Variants in ASAP1 observed in about 807,000 individuals in gnomAD.
ASAP1 encodes ArfGAP with SH3 domain, ankyrin repeat and PH domain 1.
In ASAP1, 43 loss-of-function variants were observed where a neutral mutation model predicts 145.2. The observed-to-expected ratio is 0.30, with a 90% CI of 0.23 to 0.38. ASAP1 has a LOEUF of 0.38. Ranked by LOEUF, ASAP1 falls within the 10% of genes least tolerant of loss-of-function variation. The pLI is 1.00. For synonymous variants in ASAP1, 546 were observed against 515.5 expected (o/e 1.06, Z -0.80); for missense variants, 1,018 against 1,355.3 (o/e 0.75, Z 3.91).
intron 3 of ASAP1, among the ~76,000 whole-genome samples, chr8:130,327,937 A>G (rs920755042): frequency 6.6e-6 from 1 of 152,214 alleles, no homozygotes; most frequent in African/African-American, 2.4e-5. Flanking sequence ...TTGGTAGACT[A>G]ATGACATGGA....
rs757332068 is a variant in ASAP1, at chr8:130,060,881, G to C, written c.2890C>G (p.Pro964Ala). 6.2e-7 allele frequency: 1 copy of C among 1,613,854 alleles called. No individual in the cohort carries two copies. Among genetic ancestry groups the C allele is most frequent in the Admixed American group, 1.7e-5 (1 of 59,994 alleles). ...DLPPKPGELP[P>A]KPQLGDLPPK... ...GGCAGGTCCCCCAGCTGTGGTTTGG[G>C]GGGCAGTTCTCCTGGCTTAGGCGGC... Residue 964 changes from proline to alanine, a missense_variant, in exon 28 of 30, where the codon CCC becomes GCC. Around this residue, in one of 9 missense-constraint regions of ASAP1, gnomAD observed 139 missense variants for 131.0 expected, o/e 1.06. Transcript: ENST00000518721.
chr8:130,186,859 A>G (rs1814767464), intron 7 of ASAP1, among the ~76,000 whole-genome samples: 1 of 152,196 alleles, frequency 6.6e-6, no homozygotes, highest in South Asian at 2.1e-4. Context: ...ATGTCACAGT[A>G]TTAGCTGTTA....
At chr8:130,418,523 G>A (rs1414805400) in intron 1 of ASAP1, among the ~76,000 whole-genome samples, 2 of 151,118 alleles carry the variant, frequency 1.3e-5, no homozygotes, top group African/African-American at 4.9e-5. Flanking sequence ...ACTCCAGCCT[G>A]GGTGACCTCT....
At chr8:130,369,296 A>G (rs1172409520) in intron 2 of ASAP1, among the ~76,000 whole-genome samples, 1 of 152,234 alleles carries the variant, frequency 6.6e-6, no homozygotes, top group Non-Finnish European at 1.5e-5. Flanking sequence ...TAAACCTTAT[A>G]CACATAGCCT....
At chr8:130,426,957 C>T (rs1158168594) in intron 1 of ASAP1, among the ~76,000 whole-genome samples, 1 of 152,134 alleles carries the variant, frequency 6.6e-6, no homozygotes. Flanking sequence ...TACTGTTGTC[C>T]CGCCCCTAGA....
At chr8:130,264,966 A>G (rs1820155144) in intron 3 of ASAP1, among the ~76,000 whole-genome samples, 3 of 152,232 alleles carry the variant, frequency 2.0e-5, no homozygotes, top group Admixed American at 2.0e-4. Flanking sequence ...GAACACAGGC[A>G]AAGTATGGGA....
intron 7 of ASAP1, among the ~76,000 whole-genome samples, chr8:130,182,831 C>CAA (rs35195899): frequency 0.011 from 778 of 73,528 alleles, 7 homozygotes; most frequent in Non-Finnish European, 0.012. Flanking sequence ...TATAAAAAGG[C>CAA]AAAAAAAAAA....
chr8:130,269,015 T>C (rs867855827), intron 3 of ASAP1, among the ~76,000 whole-genome samples: 37 of 152,324 alleles, frequency 2.4e-4, no homozygotes, highest in Middle Eastern at 3.4e-3. Flanking sequence ...AAAAAAGTAC[T>C]GTGGCTTGTA....
At chr8:130,133,328 T>C (rs2097586059) in intron 15 of ASAP1, among the ~76,000 whole-genome samples, 1 of 152,148 alleles carries the variant, frequency 6.6e-6, no homozygotes, top group African/African-American at 2.4e-5. Context: ...CTAGGGACTA[T>C]CTAAGGTTGC....
At chr8:130,390,198 T>G (rs1364412834) in intron 2 of ASAP1, among the ~76,000 whole-genome samples, 7 of 152,242 alleles carry the variant, frequency 4.6e-5, no homozygotes, top group African/African-American at 1.7e-4. Flanking sequence ...CAGTAGCCAC[T>G]ACCTATAGCT....
At chr8:130,133,195 C>A (rs933667622) in intron 15 of ASAP1, among the ~76,000 whole-genome samples, 1 of 151,958 alleles carries the variant, frequency 6.6e-6, no homozygotes, top group Admixed American at 6.6e-5. Flanking sequence ...ACAAAAACAT[C>A]CCTCTCCCAA....
intron 4 of ASAP1, among the ~76,000 whole-genome samples, chr8:130,236,691 A>T (rs1233504662): frequency 6.6e-6 from 1 of 152,162 alleles, no homozygotes; most frequent in Admixed American, 6.6e-5. Flanking sequence ...TTAAGCACTT[A>T]AGTGTACAGT....
chr8:130,282,681 T>C (rs1039501044), intron 3 of ASAP1, among the ~76,000 whole-genome samples: 1 of 152,154 alleles, frequency 6.6e-6, no homozygotes, highest in Admixed American at 6.5e-5. Context: ...CAACAAAGTA[T>C]CCACATTATT....
chr8:130,324,398 C>A (rs1294208286), intron 3 of ASAP1, among the ~76,000 whole-genome samples: 1 of 152,124 alleles, frequency 6.6e-6, no homozygotes, highest in Non-Finnish European at 1.5e-5. Flanking sequence ...GGTTGAATAT[C>A]ATTAACCAAC....
chr8:130,058,582 C>G (rs1453662793), intron 28 of ASAP1, among the ~76,000 whole-genome samples: 2 of 152,206 alleles, frequency 1.3e-5, no homozygotes, highest in Non-Finnish European at 2.9e-5. Flanking sequence ...CAGGATCGGC[C>G]TGGGGCTCGG....
Position 130,058,612 on chromosome 8 carries a change from A to G in ASAP1, c.3193-536T>C, listed in dbSNP as rs73405551. On this transcript the variant is annotated intron_variant, in intron 28 of 29. Transcript: ENST00000518721. Reference sequence around the variant, plus strand: ...GCTCGGAGAAGTCTATGCAGTTCCTAAAACAGTTTTAATTTTTGATTAGTT... The same window carrying G: ...GCTCGGAGAAGTCTATGCAGTTCCTGAAACAGTTTTAATTTTTGATTAGTT... 7.0e-3 allele frequency among the ~76,000 whole-genome samples: 1,065 copies of G among 152,332 alleles called. 12 individuals carry two copies. Among genetic ancestry groups the G allele is most frequent in the African/African-American group, 0.025 (1,027 of 41,562 alleles).
chr8:130,215,456 G>A (rs1816837836), intron 4 of ASAP1, among the ~76,000 whole-genome samples: 2 of 151,960 alleles, frequency 1.3e-5, no homozygotes, highest in South Asian at 4.1e-4. Flanking sequence ...AATTAGCTGG[G>A]TGTAGGGCCG....
chr8:130,160,410 G>A (rs1236541967), intron 11 of ASAP1, among the ~76,000 whole-genome samples: 1 of 152,160 alleles, frequency 6.6e-6, no homozygotes, highest in Non-Finnish European at 1.5e-5. Flanking sequence ...CTGCCAATAT[G>A]CCCCCAAATA....
chr8:130,342,165 T>C (rs1388732626), intron 3 of ASAP1, among the ~76,000 whole-genome samples: 1 of 152,004 alleles, frequency 6.6e-6, no homozygotes, highest in African/African-American at 2.4e-5. Context: ...CCAAGGGCAA[T>C]CAAGAAGTCT....
Sources: allele counts gnomAD v4.1 joint callset (sites outside exome capture counted in the v4.1 genomes callset), GRCh38; gene constraint gnomAD v4.1.1; regional missense constraint gnomAD v4.1.1; transcripts MANE v1.5; gene names NCBI Gene and HGNC (gene_info 2026-07-23, HGNC 2026-07-21).